Variants in CPNE5 observed in about 807,000 individuals in gnomAD.
The protein encoded by CPNE5 is copine-5.
Under a neutral mutation model 81.1 loss-of-function variants are expected in CPNE5, and 42 were observed. The ratio of observed to expected loss-of-function variants is 0.52; its 90% CI spans 0.40 to 0.67. CPNE5 has a LOEUF of 0.67. Ranked by LOEUF, CPNE5 falls within the 30% of genes least tolerant of loss-of-function variation. CPNE5 has a pLI of 0.00. For synonymous variants in CPNE5, 313 were observed against 321.5 expected (o/e 0.97, Z 0.28); for missense variants, 612 against 815.5 (o/e 0.75, Z 3.04).
At chr6:36,812,988 G>C (rs945739796) in intron 3 of CPNE5, among the ~76,000 whole-genome samples, 2 of 152,190 alleles carry the variant, frequency 1.3e-5, no homozygotes, top group African/African-American at 4.8e-5. Flanking sequence ...CCAAGGCCAG[G>C]TCACCAGGGA....
At chr6:36,798,601 C>A in intron 4 of CPNE5, 107 bp from the exon 5 acceptor site, 1 of 899,824 alleles carries the variant, frequency 1.1e-6, no homozygotes, top group Non-Finnish European at 1.8e-6. Flanking sequence ...AAACAGGTCC[C>A]AACACAGTGA....
intron 9 of CPNE5, among the ~76,000 whole-genome samples, chr6:36,777,634 CT>C (rs1376619897): frequency 1.3e-5 from 2 of 152,062 alleles, no homozygotes; most frequent in East Asian, 3.9e-4. Flanking sequence ...ACAAAGAATC[CT>C]TTTGTCATGC....
At chr6:36,779,226 G>C (rs1767809475) in intron 8 of CPNE5, among the ~76,000 whole-genome samples, 1 of 152,212 alleles carries the variant, frequency 6.6e-6, no homozygotes, top group Non-Finnish European at 1.5e-5. Context: ...GTGACCTCTT[G>C]GAGCCTCAGT....
intron 12 of CPNE5, among the ~76,000 whole-genome samples, chr6:36,758,344 T>C (rs889298864): frequency 5.5e-5 from 8 of 144,876 alleles, no homozygotes; most frequent in Non-Finnish European, 1.1e-4. Flanking sequence ...AGTGGTGGGG[T>C]CATAGCTCAC....
intron 3 of CPNE5, among the ~76,000 whole-genome samples, chr6:36,801,986 C>T (rs1431691680): frequency 1.3e-5 from 2 of 151,928 alleles, no homozygotes; most frequent in South Asian, 2.1e-4. Context: ...TTTGGGAGGC[C>T]GAGGTGGGCG....
chr6:36,815,588 G>A (rs895237924), intron 3 of CPNE5, among the ~76,000 whole-genome samples: 1 of 152,200 alleles, frequency 6.6e-6, no homozygotes, highest in African/African-American at 2.4e-5. Context: ...CCAGAACTGT[G>A]TAAATAAATT....
chr6:36,839,134 G>A lies in CPNE5; in HGVS notation c.95+149C>T. On this transcript the variant is annotated intron_variant, in intron 1 of 20. Coordinates refer to ENST00000244751, the MANE Select transcript of CPNE5 (RefSeq NM_020939.2). The surrounding 1 kb of genome is among the most constrained non-coding windows in gnomAD (Gnocchi z 7.3). Reference sequence around the variant, plus strand: ...CGCCACCCGCAGCTGGACAGGACAGGGGCTCTTGGCAGATCGGCAGGGGCG... The same window carrying A: ...CGCCACCCGCAGCTGGACAGGACAGAGGCTCTTGGCAGATCGGCAGGGGCG... The A allele has an allele frequency of 3.6e-6, 2 of 561,086 alleles. No homozygotes were observed. The highest frequency in any genetic ancestry group is 6.1e-6 in the Non-Finnish European group (2 of 330,554). The allele number at this position is 561,086 out of a possible 1,614,324, so 34.8% of individuals were successfully genotyped here.
chr6:36,743,790 G>A (rs1481441182), intron 19 of CPNE5, 28 bp from the exon 20 acceptor site: 1 of 1,597,096 alleles, frequency 6.3e-7, no homozygotes, highest in Non-Finnish European at 8.5e-7. Context: ...TCATGGGGCG[G>A]GGTGAGATTA....
upstream of CPNE5, chr6:36,839,507 G>A: frequency 1.5e-6 from 1 of 676,170 alleles, no homozygotes; most frequent in Non-Finnish European, 2.4e-6. This position sits in a 1 kb window ranked among gnomAD's most constrained non-coding sequence, Gnocchi z 7.3. Flanking sequence ...GGAGAGAGGA[G>A]CGCGAAGAGG....
In CPNE5 at chr6:36,839,306, C is replaced by T. The variant is rs965200429; in HGVS notation, c.72G>A (p.Lys24=). The change falls in exon 1 of 21, where the codon AAG becomes AAA. Residue 24 remains lysine, a synonymous_variant. Transcript: ENST00000244751. This position sits in a 1 kb window ranked among gnomAD's most constrained non-coding sequence, Gnocchi z 7.3. The stretch of plus-strand genomic sequence containing the variant: ...ACCTGCAGGACACGGTGATCTCCAC[C>T]TTGGTGGCCGGGATGCTGCCCGCCA... ...DSLAGSIPAT[K]VEITVSCRNL... is the part of the protein sequence containing the mutation. The T allele has an allele frequency of 1.9e-6, 3 of 1,549,230 alleles. No individual in the cohort carries two copies. The highest frequency in any genetic ancestry group is 2.6e-6 in the Non-Finnish European group (3 of 1,146,026).
At chr6:36,745,290 T>C (rs888364810) in intron 17 of CPNE5, 98 bp downstream of exon 17, 6 of 1,475,412 alleles carry the variant, frequency 4.1e-6, no homozygotes, top group Non-Finnish European at 5.5e-6. Context: ...GAAAGGCAAG[T>C]GCGTGGGAAG....
At chr6:36,835,919 C>T (rs1233286375) in intron 1 of CPNE5, among the ~76,000 whole-genome samples, 4 of 152,134 alleles carry the variant, frequency 2.6e-5, no homozygotes, top group Non-Finnish European at 5.9e-5. Context: ...TAAGCAACAA[C>T]ATCAGTCGCT....
intron 3 of CPNE5, among the ~76,000 whole-genome samples, chr6:36,817,607 G>GCCCT (rs1771662101): frequency 6.6e-6 from 1 of 152,086 alleles, no homozygotes; most frequent in Non-Finnish European, 1.5e-5. Context: ...CTCTGTCTGT[G>GCCCT]CTGGACAGCC....
In CPNE5 at chr6:36,768,232, T is replaced by TCTTTTTTTTTTTTTTTTTC. The variant is rs55738109; in HGVS notation, c.738-2857_738-2856insGAAAAAAAAAAAAAAAAAG. ...ACTACTCTATTCACAGTTCTTTTTT[T>TCTTTTTTTTTTTTTTTTTC]TTTTTTTTTTTTTTTTTTTTGAGAC... On this transcript the variant is annotated intron_variant, in intron 10 of 20. Transcript: ENST00000244751. 4.0e-5 allele frequency among the ~76,000 whole-genome samples: 4 copies of TCTTTTTTTTTTTTTTTTTC among 99,278 alleles called. 1 individual carries two copies. The South Asian group carries it at 1.6e-3, about 39-fold the overall frequency. 65.1% of individuals were successfully genotyped at this position (99,278 alleles called of 152,430 possible).
chr6:36,793,587 C>T (rs1426406304), intron 7 of CPNE5, among the ~76,000 whole-genome samples: 1 of 152,114 alleles, frequency 6.6e-6, no homozygotes, highest in Non-Finnish European at 1.5e-5. Flanking sequence ...AACCTGCTCC[C>T]ACCTTCTTGG....
At chr6:36,830,305 C>T (rs12524422) in intron 1 of CPNE5, among the ~76,000 whole-genome samples, 20,264 of 152,192 alleles carry the variant, frequency 0.13, 1,593 homozygotes, top group African/African-American at 0.2. Context: ...CCATCCTCAG[C>T]CTCTCGGAGC....
At chr6:36,768,769 T>C (rs1326973673) in intron 10 of CPNE5, among the ~76,000 whole-genome samples, 1 of 152,160 alleles carries the variant, frequency 6.6e-6, no homozygotes, top group Non-Finnish European at 1.5e-5. Context: ...ATACAAAGGC[T>C]CAGGACAGAG....
chr6:36,828,291 AAAC>A (rs1396258397), intron 1 of CPNE5, among the ~76,000 whole-genome samples: 3 of 147,632 alleles, frequency 2.0e-5, no homozygotes, highest in Admixed American at 1.4e-4. Context: ...TCCATCTCTA[AAAC>A]AACAACAACA....
At chr6:36,793,311 C>G (rs1769265476) in intron 7 of CPNE5, among the ~76,000 whole-genome samples, 2 of 152,138 alleles carry the variant, frequency 1.3e-5, no homozygotes, top group African/African-American at 4.8e-5. Flanking sequence ...AGAGCGGGGG[C>G]CACATCTGGG....
Sources: gnomAD v4.1 joint callset for allele counts (sites outside exome capture counted in the v4.1 genomes callset) on GRCh38, gnomAD v4.1.1 for gene constraint, Gnocchi (gnomAD v3.1) non-coding constraint, MANE v1.5 for transcripts, NCBI Gene and HGNC (gene_info 2026-07-23, HGNC 2026-07-21) for gene names.